The following SCN3B variants were observed in gnomAD, a reference collection of about 807,000 sequenced individuals.
SCN3B encodes the protein sodium channel regulatory subunit beta-3.
In SCN3B, 11 loss-of-function variants were observed where a neutral mutation model predicts 25.4. That is an observed-to-expected ratio of 0.43 (90% CI 0.27 to 0.72). The LOEUF (loss-of-function observed/expected upper bound fraction) is 0.72, where lower values mean the gene tolerates loss of function less well. Among genes scored for constraint, SCN3B ranks in the 30% least tolerant of loss-of-function variants. SCN3B has a pLI of 0.18. For synonymous variants in SCN3B, 109 were observed against 110.7 expected (o/e 0.99, Z 0.09); for missense variants, 218 against 278.3 (o/e 0.78, Z 1.54).
At position 123,634,207 on chromosome 11, in the gene SCN3B, C is replaced by A. The variant is rs1407346895; in HGVS notation, c.585-1G>T. ...AGATGGGATGGCAAGGTAGTCAGAC[C>A]TATAGAGGACACAGGGAAAGGGAAT... On this transcript the variant is annotated splice_acceptor_variant, in intron 5 of 6. Transcript: ENST00000299333. LOFTEE classifies it high-confidence loss of function. 1 of 1,613,400 alleles carries A rather than the reference C, an allele frequency of 6.2e-7. No individual in the cohort carries two copies. The highest frequency in any genetic ancestry group is 1.1e-5 in the South Asian group (1 of 91,060).
rs375365616 is a variant in SCN3B, at chr11:123,645,947, C to T, written c.56-197G>A. Reference sequence around the variant, plus strand: ...AATGTACAGGCTCAGAACGTGTACACATTGGAGGAGACCTGGATGATCTAG... The same window carrying T: ...AATGTACAGGCTCAGAACGTGTACATATTGGAGGAGACCTGGATGATCTAG... On this transcript the variant is annotated intron_variant, in intron 2 of 6. Transcript: ENST00000299333. Among the ~76,000 whole-genome samples, 8 of 152,308 alleles carry T rather than the reference C, an allele frequency of 5.3e-5. No homozygotes were observed. In the East Asian group the frequency reaches 1.4e-3, roughly 26 times the overall value.
At chr11:123,634,838 G>C (rs1307481199) in intron 5 of SCN3B, among the ~76,000 whole-genome samples, 2 of 152,202 alleles carry the variant, frequency 1.3e-5, no homozygotes, top group African/African-American at 4.8e-5. Context: ...TTGTTCATCT[G>C]CTTTCCAGTT....
chr11:123,641,134 G>A (rs1397606276), intron 4 of SCN3B: 2 of 152,452 alleles, frequency 1.3e-5, no homozygotes, highest in Admixed American at 6.5e-5. Flanking sequence ...TGGTGACCAG[G>A]AGAGGGCGCC....
At chr11:123,638,348 A>C (rs753978888) in intron 4 of SCN3B, 24 bp from the exon 5 acceptor site, 3 of 1,613,364 alleles carry the variant, frequency 1.9e-6, no homozygotes, top group Non-Finnish European at 2.5e-6. Context: ...AATGAGGTTC[A>C]GAATATGCAA....
At chr11:123,654,119 A>G (rs1206689283) in intron 1 of SCN3B, 107 bp downstream of exon 1, 1 of 488,892 alleles carries the variant, frequency 2.0e-6, no homozygotes, top group Non-Finnish European at 3.7e-6. Context: ...TCCAGCTTCC[A>G]CTCGCGCCCC....
At chr11:123,640,990 G>C (rs1488813605) in intron 4 of SCN3B, 1 of 152,216 alleles carries the variant, frequency 6.6e-6, no homozygotes, top group African/African-American at 2.4e-5. Flanking sequence ...CCTGGCAGAC[G>C]AACTAGCTCA....
intron 5 of SCN3B, among the ~76,000 whole-genome samples, 176 bp from the exon 6 acceptor site, chr11:123,634,382 A>G (rs1258735823): frequency 6.6e-6 from 1 of 152,208 alleles, no homozygotes; most frequent in Non-Finnish European, 1.5e-5. Context: ...CATTTCCCCC[A>G]TATATGTACA....
intron 5 of SCN3B, among the ~76,000 whole-genome samples, chr11:123,635,644 C>T (rs997218434): frequency 6.6e-6 from 1 of 151,784 alleles, no homozygotes; most frequent in African/African-American, 2.4e-5. Context: ...CGAGATCGCG[C>T]CACTGCACTC....
chr11:123,651,097 T>G (rs1363930513), intron 2 of SCN3B, among the ~76,000 whole-genome samples: 2 of 150,516 alleles, frequency 1.3e-5, no homozygotes, highest in Non-Finnish European at 3.0e-5. Flanking sequence ...TTTATTGTAT[T>G]AATTATTTAT....
intron 2 of SCN3B, among the ~76,000 whole-genome samples, chr11:123,653,436 C>T (rs908242300): frequency 6.6e-6 from 1 of 150,976 alleles, no homozygotes; most frequent in Non-Finnish European, 1.5e-5. Context: ...GGTTTTTATT[C>T]GTGAACGTGA....
At position 123,633,719 on chromosome 11, in the gene SCN3B, C is replaced by G. The variant is rs1178705804; in HGVS notation, c.*80G>C. ...GCGATGGGGCCCTTGGGGCGCCCTC[C>G]TGATGCCATTGACATTGCTGAACAT... On this transcript the variant is annotated 3_prime_UTR_variant, in exon 7 of 7. Transcript: ENST00000299333. The G allele has an allele frequency of 1.7e-5, 5 of 290,284 alleles. No homozygotes were observed. Among genetic ancestry groups the G allele is most frequent in the Non-Finnish European group, 3.4e-5 (5 of 147,672 alleles). The allele number at this position is 290,284 out of a possible 1,614,324, so 18.0% of individuals were successfully genotyped here.
At chr11:123,650,635 G>A (rs576483262) in intron 2 of SCN3B, among the ~76,000 whole-genome samples, 2 of 152,278 alleles carry the variant, frequency 1.3e-5, no homozygotes, top group East Asian at 3.9e-4. Flanking sequence ...GGGAGAGATG[G>A]GACGGTAGCT....
chr11:123,644,064 TG>T (rs1164746247), intron 3 of SCN3B, among the ~76,000 whole-genome samples: 4 of 152,336 alleles, frequency 2.6e-5, no homozygotes, highest in African/African-American at 9.6e-5. Context: ...AGGAGAAACT[TG>T]CCCCCAGGAA....
In SCN3B at chr11:123,630,487, T is replaced by A. The variant is rs1955657633; in HGVS notation, c.*3312A>T. ...TATTAATAGCCCTTGAGAACTCTTCTAAGCCCTTTAATAAGCAACATCATG... is the reference window on the plus strand; with the variant it reads ...TATTAATAGCCCTTGAGAACTCTTCAAAGCCCTTTAATAAGCAACATCATG... On this transcript the variant is annotated 3_prime_UTR_variant, in exon 7 of 7. Transcript: ENST00000299333. 1 of 152,668 alleles carries A rather than the reference T, an allele frequency of 6.6e-6. No homozygotes were observed. The highest frequency in any genetic ancestry group is 2.4e-5 in the African/African-American group (1 of 41,464). 9.5% of individuals were successfully genotyped at this position (152,668 alleles called of 1,614,324 possible).
At chr11:123,636,641 C>G (rs1306833936) in intron 5 of SCN3B, among the ~76,000 whole-genome samples, 1 of 152,018 alleles carries the variant, frequency 6.6e-6, no homozygotes, top group South Asian at 2.1e-4. Context: ...AGAGTCATCC[C>G]TCCCTCAGCC....
chr11:123,638,457 A>G, intron 4 of SCN3B, 133 bp from the exon 5 acceptor site: 2 of 1,233,960 alleles, frequency 1.6e-6, no homozygotes, highest in South Asian at 1.3e-5. Flanking sequence ...AGGTATTCCA[A>G]ATCCTGACTC....
chr11:123,641,580 G>A (rs1306105129), intron 4 of SCN3B, among the ~76,000 whole-genome samples: 1 of 152,132 alleles, frequency 6.6e-6, no homozygotes, highest in Non-Finnish European at 1.5e-5. Flanking sequence ...GATAATGCTG[G>A]AGATAGACTG....
In SCN3B at chr11:123,647,493, C is replaced by T. The variant is rs539651830; in HGVS notation, c.56-1743G>A. On this transcript the variant is annotated intron_variant, in intron 2 of 6. Coordinates refer to ENST00000299333, the MANE Select transcript of SCN3B (RefSeq NM_001040151.2). ...ACCCTATCTCTTGAAAAAATAAAAACAACATGATGGTCACCGCAGATTCTT... is the reference window on the plus strand; with the variant it reads ...ACCCTATCTCTTGAAAAAATAAAAATAACATGATGGTCACCGCAGATTCTT... Among the ~76,000 whole-genome samples, 27 of 152,002 alleles carry T rather than the reference C, an allele frequency of 1.8e-4. 1 individual carries two copies. In the South Asian group the frequency reaches 5.4e-3, roughly 30 times the overall value.
intron 2 of SCN3B, among the ~76,000 whole-genome samples, chr11:123,652,403 G>A (rs1955936791): frequency 6.6e-6 from 1 of 152,174 alleles, no homozygotes; most frequent in Non-Finnish European, 1.5e-5. Flanking sequence ...CGTCTCATCA[G>A]GCATTTTGAC....
Sources: gnomAD v4.1 joint callset for allele counts (sites outside exome capture counted in the v4.1 genomes callset) on GRCh38, gnomAD v4.1.1 for gene constraint, MANE v1.5 for transcripts, NCBI Gene and HGNC (gene_info 2026-07-23, HGNC 2026-07-21) for gene names.